Variants in SPTB observed in about 807,000 individuals in gnomAD.
The protein encoded by SPTB is spectrin beta chain, erythrocytic.
Under a neutral mutation model 256.2 loss-of-function variants are expected in SPTB, and 45 were observed. The observed-to-expected ratio is 0.18, with a 90% CI of 0.14 to 0.23. SPTB has a LOEUF of 0.23. Among genes scored for constraint, SPTB ranks in the 10% least tolerant of loss-of-function variants. The probability of loss-of-function intolerance (pLI) is 1.00; values close to 1 mark genes in which losing one functional copy is unlikely to be tolerated. For missense variants in SPTB, 2,715 were observed against 3,040.4 expected, an observed-to-expected ratio of 0.89 and a Z score of 2.52; for synonymous variants, 1,231 against 1,243.1, an observed-to-expected ratio of 0.99 and a Z score of 0.21.
In SPTB at chr14:64,774,435, G is replaced by C; in HGVS notation, c.4935C>G (p.Ser1645Arg). Residue 1645 changes from serine (S) to arginine (R), a missense_variant, in exon 24 of 36, where the codon AGC becomes AGG. Coordinates refer to ENST00000644917, the MANE Select transcript of SPTB (RefSeq NM_001355436.2). ...DYGRNIKQLA[S>R]RAQGLLSAGH... ...CTGCAGACAGCAGGCCCTGGGCCCG[G>C]CTGGCCAGCTGCTTGATGTTCCGGC... The C allele has an allele frequency of 1.9e-6, 3 of 1,574,176 alleles. No homozygotes were observed. The highest frequency in any genetic ancestry group is 2.6e-6 in the Non-Finnish European group (3 of 1,159,840).
At chr14:64,781,753 C>T (rs1348198481) in intron 20 of SPTB, among the ~76,000 whole-genome samples, 2 of 152,198 alleles carry the variant, frequency 1.3e-5, no homozygotes, top group African/African-American at 4.8e-5. Context: ...ACCATAAATA[C>T]ACATGTACAC....
In SPTB at chr14:64,763,743, C is replaced by A. The variant is rs781769654; in HGVS notation, c.6345+2983G>T. ...GTGAGGTCTTGTTTCTTCTGCCTGG[C>A]CTCCCATGCACTTACCTGTATGAAC... On this transcript the variant is annotated intron_variant, in intron 32 of 35. Transcript: ENST00000644917. 2.1e-5 allele frequency: 11 copies of A among 518,892 alleles called. No individual in the cohort carries two copies. In the East Asian group the frequency reaches 6.0e-4, roughly 28 times the overall value. The allele number at this position is 518,892 out of a possible 1,614,324, so 32.1% of individuals were successfully genotyped here. A position where few individuals can be genotyped will look rare whatever the true frequency, so the allele number is the denominator to read the frequency against.
Position 64,802,174 on chromosome 14 carries a change from C to T in SPTB, c.566+52G>A, listed in dbSNP as rs987373261. The T allele has an allele frequency of 1.3e-5, 20 of 1,551,014 alleles. No homozygotes were observed. The highest frequency in any genetic ancestry group is 2.2e-5 in the East Asian group (1 of 44,532). On this transcript the variant is annotated intron_variant, in intron 5 of 35. Transcript: ENST00000644917. This position sits in a 1 kb window ranked among gnomAD's most constrained non-coding sequence, Gnocchi z 5.1. ...CCCTCTGGAGATGGCAGTGCTTGTG[C>T]GGAGCAAGGGGCTGGTGGTGGATGT... is the stretch of plus-strand genomic sequence containing the variant.
rs747776201 is a variant in SPTB, at chr14:64,749,876, G to C, written c.6776+105C>G. On this transcript the variant is annotated intron_variant, in intron 34 of 35. Transcript: ENST00000644917. This position sits in a 1 kb window ranked among gnomAD's most constrained non-coding sequence, Gnocchi z 4.7. ...CTCTTTGATTTGAAAAACCCCTGAGGAGCAGCTCAGGCCTGGCACTGGTCC... is the reference window on the plus strand; with the variant it reads ...CTCTTTGATTTGAAAAACCCCTGAGCAGCAGCTCAGGCCTGGCACTGGTCC... 2.0e-6 allele frequency: 3 copies of C among 1,530,212 alleles called. No homozygotes were observed. In the African/African-American group the frequency reaches 4.1e-5, roughly 21 times the overall value. The allele number at this position is 1,530,212 out of a possible 1,614,324, so 94.8% of individuals were successfully genotyped here.
intron 30 of SPTB, 65 bp downstream of exon 30, chr14:64,767,598 T>G (rs1018175648): frequency 6.3e-7 from 1 of 1,596,242 alleles, no homozygotes; most frequent in Non-Finnish European, 8.6e-7. Flanking sequence ...CTGGAGTCCT[T>G]ACATGAGACC....
intron 1 of SPTB, among the ~76,000 whole-genome samples, chr14:64,831,486 G>A (rs2083450183): frequency 6.6e-6 from 1 of 152,206 alleles, no homozygotes; most frequent in African/African-American, 2.4e-5. Flanking sequence ...CCTGAGAAAT[G>A]CAGATTAAAA....
intron 1 of SPTB, among the ~76,000 whole-genome samples, chr14:64,862,886 C>T (rs1339694354): frequency 6.6e-6 from 1 of 151,652 alleles, no homozygotes; most frequent in African/African-American, 2.4e-5. Context: ...AAAAAAACCA[C>T]ACCCCATGAT....
chr14:64,820,071 C>T (rs903427048), intron 2 of SPTB, among the ~76,000 whole-genome samples: 12 of 152,266 alleles, frequency 7.9e-5, no homozygotes, highest in East Asian at 1.9e-4. Flanking sequence ...CAGAAGAAGA[C>T]GCCAGGCCAG....
intron 1 of SPTB, among the ~76,000 whole-genome samples, chr14:64,879,176 G>A (rs1364205859): frequency 6.6e-6 from 1 of 152,176 alleles, no homozygotes; most frequent in African/African-American, 2.4e-5. Context: ...GGTCCTTGAA[G>A]TATGGCTTGG....
chr14:64,784,213 G>T, intron 19 of SPTB, 34 bp downstream of exon 19: 2 of 1,613,596 alleles, frequency 1.2e-6, no homozygotes, highest in South Asian at 2.2e-5. Context: ...TATCTGAGCA[G>T]AGCACCCACC....
In SPTB at chr14:64,748,252, C is replaced by T. The variant is rs189289047; in HGVS notation, c.*1054G>A. On this transcript the variant is annotated 3_prime_UTR_variant, in exon 36 of 36. Transcript: ENST00000644917. ...CAGCCATTACCCTCCAAAGTCCCAG[C>T]TGCAGACAGGATGCAATTGAGCATT... 6.7e-6 allele frequency: 1 copy of T among 149,910 alleles called. No individual in the cohort carries two copies. Among genetic ancestry groups the T allele is most frequent in the African/African-American group, 2.5e-5 (1 of 39,268 alleles). 9.3% of individuals were successfully genotyped at this position (149,910 alleles called of 1,614,324 possible).
At chr14:64,773,034 C>G in intron 25 of SPTB, 80 bp from the exon 26 acceptor site, 1 of 1,574,994 alleles carries the variant, frequency 6.3e-7, no homozygotes, top group Non-Finnish European at 8.6e-7. Context: ...AAGACTTTCC[C>G]AGGCAGCAAC....
intron 2 of SPTB, among the ~76,000 whole-genome samples, chr14:64,810,197 A>G (rs1001357572): frequency 2.0e-5 from 3 of 152,244 alleles, no homozygotes; most frequent in African/African-American, 4.8e-5. Flanking sequence ...TAGTCCCAGT[A>G]CATACAGGCA....
At position 64,772,545 on chromosome 14, in the gene SPTB, T is replaced by C; in HGVS notation, c.5553+35A>G. The stretch of plus-strand genomic sequence containing the variant: ...GACTGACACCCAGGGCTCCTGGAAA[T>C]TGGTAGCAGGTGGGCGGCAGGGGGC... On this transcript the variant is annotated intron_variant, in intron 26 of 35. Transcript: ENST00000644917. The surrounding 1 kb of genome is among the most constrained non-coding windows in gnomAD (Gnocchi z 5.4). The C allele has an allele frequency of 1.3e-6, 2 of 1,598,954 alleles. No individual in the cohort carries two copies. The highest frequency in any genetic ancestry group is 1.7e-6 in the Non-Finnish European group (2 of 1,179,464).
At chr14:64,842,212 G>A (rs184441384) in intron 1 of SPTB, among the ~76,000 whole-genome samples, 18 of 152,326 alleles carry the variant, frequency 1.2e-4, no homozygotes, top group African/African-American at 3.8e-4. Context: ...AGAAGTGAGT[G>A]GTCATTGCTA....
rs200873252 is a variant in SPTB, at chr14:64,771,112, G to A, written c.5571C>T (p.Asp1857=). 6.4e-5 allele frequency: 104 copies of A among 1,613,870 alleles called. No homozygotes were observed. Among genetic ancestry groups the A allele is most frequent in the Middle Eastern group, 1.7e-4 (1 of 6,060 alleles). ...LLGVQVQQFQ[D]VATRLQTAYA... The stretch of plus-strand genomic sequence containing the variant: ...ATGCTGTCTGCAGACGGGTGGCCAC[G>A]TCCTGGAACTGCTGCACCTGTGGTC... The change falls in exon 27 of 36, where the codon GAC becomes GAT. Residue 1857 remains aspartate, a synonymous_variant. Transcript: ENST00000644917.
chr14:64,782,104 A>G (rs2082481672), intron 20 of SPTB, among the ~76,000 whole-genome samples, 186 bp downstream of exon 20: 1 of 152,166 alleles, frequency 6.6e-6, no homozygotes, highest in African/African-American at 2.4e-5. Context: ...AAAGATAACT[A>G]TTGGGTATTG....
rs922041228 is a variant in SPTB, at chr14:64,777,263, G to A, written c.4564-1860C>T. Among the ~76,000 whole-genome samples, 2 of 152,340 alleles carry A rather than the reference G, an allele frequency of 1.3e-5. No individual in the cohort carries two copies. The highest frequency in any genetic ancestry group is 2.1e-4 in the South Asian group (1 of 4,818). ...GGCCACAGAGAGGGCCAGAAGAGCT[G>A]GAATACTGTGAAGGAGGGCAAAGTG... is the stretch of plus-strand genomic sequence containing the variant. On this transcript the variant is annotated intron_variant, in intron 22 of 35. Transcript: ENST00000644917. The surrounding 1 kb of genome is among the most constrained non-coding windows in gnomAD (Gnocchi z 4.5).
intron 1 of SPTB, among the ~76,000 whole-genome samples, chr14:64,869,804 T>TTA (rs1555378970): frequency 6.8e-6 from 1 of 147,280 alleles, no homozygotes; most frequent in African/African-American, 2.5e-5. Context: ...TTTTTCTTTT[T>TTA]AATTTTTGTA....
Sources: gnomAD v4.1 joint callset for allele counts (sites outside exome capture counted in the v4.1 genomes callset) on GRCh38, gnomAD v4.1.1 for gene constraint, Gnocchi (gnomAD v3.1) non-coding constraint, MANE v1.5 for transcripts, NCBI Gene and HGNC (gene_info 2026-07-23, HGNC 2026-07-21) for gene names.